Variants in ZNF407 observed in about 807,000 individuals in gnomAD.
The protein encoded by ZNF407 is zinc finger protein 407.
A neutral mutation model predicts 131.2 loss-of-function variants in ZNF407; 17 were observed. The ratio of observed to expected loss-of-function variants is 0.13; its 90% CI spans 0.09 to 0.19. The LOEUF (loss-of-function observed/expected upper bound fraction) is 0.19, where lower values mean the gene tolerates loss of function less well. ZNF407 is among the 10% of genes least tolerant of loss of function. The pLI, the probability that ZNF407 is intolerant of heterozygous loss-of-function variation, is 1.00. For synonymous variants in ZNF407, 1,156 were observed against 1,062.0 expected (o/e 1.09, Z -1.72); for missense variants, 2,681 against 2,830.6 (o/e 0.95, Z 1.20).
intron 3 of ZNF407, among the ~76,000 whole-genome samples, chr18:74,655,063 T>G (rs1184369527): frequency 6.6e-6 from 1 of 152,032 alleles, no homozygotes; most frequent in Non-Finnish European, 1.5e-5. Context: ...TATTTTAGTT[T>G]GTTCCAAATA....
chr18:74,599,460 T>C (rs7227285), intron 1 of ZNF407, among the ~76,000 whole-genome samples: 18,842 of 152,246 alleles, frequency 0.12, 1,346 homozygotes, highest in Non-Finnish European at 0.17. Context: ...CTTCTAGGTG[T>C]TGGAAATAGT....
intron 3 of ZNF407, among the ~76,000 whole-genome samples, chr18:74,685,524 ATTGTT>A (rs1220425889): frequency 6.6e-6 from 1 of 152,136 alleles, no homozygotes; most frequent in Non-Finnish European, 1.5e-5. Flanking sequence ...TGCTCAGCAC[ATTGTT>A]GTACTGTGTG....
At chr18:74,739,153 A>G (rs987757567) in intron 3 of ZNF407, among the ~76,000 whole-genome samples, 17 of 151,600 alleles carry the variant, frequency 1.1e-4, no homozygotes, top group African/African-American at 3.9e-4. Flanking sequence ...ACATCTTTTT[A>G]GATAGATGTA....
intron 3 of ZNF407, among the ~76,000 whole-genome samples, chr18:74,758,431 C>T (rs181345411): frequency 6.6e-6 from 1 of 152,084 alleles, no homozygotes. Flanking sequence ...TATAAAAGCT[C>T]CTACATACAT....
chr18:74,847,758 T>C (rs1380117244), intron 4 of ZNF407, among the ~76,000 whole-genome samples: 1 of 152,150 alleles, frequency 6.6e-6, no homozygotes, highest in African/African-American at 2.4e-5. Flanking sequence ...ATCTGAAGTA[T>C]CTTCCCAATC....
intron 4 of ZNF407, among the ~76,000 whole-genome samples, chr18:74,872,774 A>G (rs1206167034): frequency 6.6e-6 from 1 of 151,582 alleles, no homozygotes; most frequent in African/African-American, 2.4e-5. Context: ...AAGAAAAAAA[A>G]AAAAAAGAAA....
At chr18:75,044,342 A>T (rs9989499) in intron 8 of ZNF407, among the ~76,000 whole-genome samples, 5,311 of 140,354 alleles carry the variant, frequency 0.038, 238 homozygotes, top group African/African-American at 0.1. Context: ...CTTTTTTTTT[A>T]AAAAAAAAAA....
intron 4 of ZNF407, among the ~76,000 whole-genome samples, chr18:74,855,955 G>C (rs1160743635): frequency 3.9e-5 from 6 of 152,256 alleles, no homozygotes; most frequent in East Asian, 1.9e-4. Context: ...TTATCACTTT[G>C]TCAAAGGCTG....
chr18:74,907,083 T>C (rs1971606569), intron 7 of ZNF407, among the ~76,000 whole-genome samples: 3 of 152,230 alleles, frequency 2.0e-5, no homozygotes, highest in African/African-American at 7.2e-5. Context: ...CATACCTACA[T>C]GTATCTGGGA....
chr18:74,631,759 A>G lies in ZNF407; in HGVS notation c.740A>G (p.Asp247Gly), dbSNP rs767502329. ...GGGCCACAGAAGGTCTTTTCCTGTG[A>G]TCTTTGTGGTTTTCAGTGTTCAGAA... ...AHGPQKVFSC[D>G]LCGFQCSEEN... is the part of the protein sequence containing the mutation. Residue 247 changes from aspartate (D) to glycine (G), a missense_variant, in exon 2 of 9, where the codon GAT becomes GGT. Physicochemically the swap from Asp to Gly is moderately conservative, Grantham distance 94. This residue lies in a region of ZNF407 where 1,789 missense variants were observed against 1,748.7 expected (regional missense o/e 1.02). Transcript: ENST00000299687. The G allele has an allele frequency of 1.7e-5, 27 of 1,613,952 alleles. No individual in the cohort carries two copies. The highest frequency in any genetic ancestry group is 3.3e-5 in the Admixed American group (2 of 60,008).
At chr18:74,909,970 T>C (rs1055437923) in intron 7 of ZNF407, among the ~76,000 whole-genome samples, 1 of 152,084 alleles carries the variant, frequency 6.6e-6, no homozygotes, top group African/African-American at 2.4e-5. Flanking sequence ...ACTAGAAAAA[T>C]TGGAGTAAAA....
chr18:74,753,223 A>G (rs532038060), intron 3 of ZNF407, among the ~76,000 whole-genome samples: 4 of 152,180 alleles, frequency 2.6e-5, no homozygotes, highest in African/African-American at 4.8e-5. Flanking sequence ...TGATTTTTGC[A>G]TATTGATTTT....
intron 3 of ZNF407, among the ~76,000 whole-genome samples, chr18:74,690,944 A>G (rs1967206216): frequency 6.6e-6 from 1 of 152,214 alleles, no homozygotes; most frequent in African/African-American, 2.4e-5. Flanking sequence ...TTAAAAACCA[A>G]TATTCTTCGT....
In ZNF407 at chr18:75,030,375, T is replaced by C. The variant is rs146516809; in HGVS notation, c.5429-32775T>C. Among the ~76,000 whole-genome samples the C allele has an allele frequency of 2.0e-3, 308 of 152,354 alleles. 4 individuals carry two copies. Among genetic ancestry groups the C allele is most frequent in the African/African-American group, 6.8e-3 (283 of 41,570 alleles). On this transcript the variant is annotated intron_variant, in intron 8 of 8. Coordinates refer to ENST00000299687, the MANE Select transcript of ZNF407 (RefSeq NM_017757.3). Reference sequence around the variant, plus strand: ...ATAAATCACACTGTGGATTAAATTATGGCTTTCACAGATTCTGTCTGAAAT... The same window carrying C: ...ATAAATCACACTGTGGATTAAATTACGGCTTTCACAGATTCTGTCTGAAAT...
Position 74,632,254 on chromosome 18 carries a change from C to G in ZNF407, c.1235C>G (p.Ser412Trp). The part of the protein sequence containing the change: ...LQAAHGNSVT[S>W]RPRPERNILV... The stretch of plus-strand genomic sequence containing the variant: ...GCAGCACACGGTAACAGTGTAACCT[C>G]GAGGCCAAGACCTGAGCGAAATATT... The change falls in exon 2 of 9, where the codon TCG becomes TGG. Residue 412 changes from serine (S) to tryptophan (W), a missense_variant. Ser to Trp is a radical substitution (Grantham distance 177, BLOSUM62 -3). Coordinates refer to ENST00000299687, the MANE Select transcript of ZNF407 (RefSeq NM_017757.3). 1 of 1,613,912 alleles carries G rather than the reference C, an allele frequency of 6.2e-7. No individual in the cohort carries two copies. Among genetic ancestry groups the G allele is most frequent in the Non-Finnish European group, 8.5e-7 (1 of 1,179,886 alleles).
intron 7 of ZNF407, among the ~76,000 whole-genome samples, chr18:74,914,352 G>A (rs946281301): frequency 3.9e-5 from 6 of 152,282 alleles, no homozygotes; most frequent in Admixed American, 2.0e-4. Context: ...TGAGAGCTGC[G>A]GATTCGGTAG....
chr18:74,752,768 G>A (rs1968836815), intron 3 of ZNF407, among the ~76,000 whole-genome samples: 1 of 152,168 alleles, frequency 6.6e-6, no homozygotes, highest in Non-Finnish European at 1.5e-5. Flanking sequence ...TGCTGTTTTG[G>A]TTACTGTAGC....
At chr18:74,607,889 C>T (rs529190345) in intron 1 of ZNF407, among the ~76,000 whole-genome samples, 1 of 152,308 alleles carries the variant, frequency 6.6e-6, no homozygotes, top group East Asian at 1.9e-4. Context: ...ACTCTGTTCT[C>T]TAGAGTATCC....
At chr18:74,953,454 A>G (rs895119698) in intron 8 of ZNF407, among the ~76,000 whole-genome samples, 3 of 152,206 alleles carry the variant, frequency 2.0e-5, no homozygotes, top group African/African-American at 7.2e-5. Context: ...TATCATGGCC[A>G]TCTTTTCTCT....
Sources: gnomAD v4.1 joint callset for allele counts (sites outside exome capture counted in the v4.1 genomes callset) on GRCh38, gnomAD v4.1.1 for gene constraint, gnomAD v4.1.1 regional missense constraint, MANE v1.5 for transcripts, NCBI Gene and HGNC (gene_info 2026-07-23, HGNC 2026-07-21) for gene names.